The following TOX3 variants were observed in gnomAD, a reference collection of about 807,000 sequenced individuals.
TOX3 encodes TOX high mobility group box family member 3.
TOX3 carries 22 observed loss-of-function variants against 64.3 expected under a neutral mutation model. The observed-to-expected ratio is 0.34, with a 90% CI of 0.24 to 0.49. TOX3 has a LOEUF of 0.49. Ranked by LOEUF, TOX3 falls within the 20% of genes least tolerant of loss-of-function variation. TOX3 has a pLI of 0.99. For missense variants in TOX3, 661 were observed against 714.4 expected (o/e 0.93, Z 0.85); for synonymous variants, 291 against 273.6 (o/e 1.06, Z -0.63).
chr16:52,545,497 T>C (rs1370201024), intron 1 of TOX3, among the ~76,000 whole-genome samples: 1 of 152,216 alleles, frequency 6.6e-6, no homozygotes, highest in Non-Finnish European at 1.5e-5. Context: ...CTAGATGCAA[T>C]TCCTCCTCTT....
At position 52,463,988 on chromosome 16, in the gene TOX3, G is replaced by T. The variant is rs748661987; in HGVS notation, c.354C>A (p.Ile118=). Residue 118 remains isoleucine, a synonymous_variant, in exon 3 of 7, where the codon ATC becomes ATA. Coordinates refer to ENST00000219746, the MANE Select transcript of TOX3 (RefSeq NM_001080430.4). ...CATCTTGTTCCACGAGATTTCTTGAGATTGTAATGGAAGGGAGGTCCAGGC... is the reference window on the plus strand; with the variant it reads ...CATCTTGTTCCACGAGATTTCTTGATATTGTAATGGAAGGGAGGTCCAGGC... The part of the protein sequence containing the change: ...PQSLDLPSIT[I]SRNLVEQDGV... 2 of 1,595,920 alleles carry T rather than the reference G, an allele frequency of 1.3e-6. No homozygotes were observed. Among genetic ancestry groups the T allele is most frequent in the Non-Finnish European group, 8.5e-7 (1 of 1,170,520 alleles).
chr16:52,498,877 ACG>A (rs1961924794), intron 1 of TOX3, among the ~76,000 whole-genome samples: 4 of 152,198 alleles, frequency 2.6e-5, no homozygotes, highest in Admixed American at 2.6e-4. Flanking sequence ...TGAAGGATGT[ACG>A]CGGGGCCTTA....
At chr16:52,481,804 T>C (rs936582998) in intron 1 of TOX3, among the ~76,000 whole-genome samples, 1 of 152,220 alleles carries the variant, frequency 6.6e-6, no homozygotes, top group Non-Finnish European at 1.5e-5. Context: ...CGGAATTCTG[T>C]AGGGACAACT....
intron 1 of TOX3, among the ~76,000 whole-genome samples, chr16:52,493,749 C>A (rs1046270410): frequency 1.3e-5 from 2 of 152,172 alleles, no homozygotes; most frequent in South Asian, 4.1e-4. Context: ...TGAAATCCCA[C>A]CTTTCCTACA....
At chr16:52,452,550 G>A (rs915948057) in intron 3 of TOX3, among the ~76,000 whole-genome samples, 3 of 151,776 alleles carry the variant, frequency 2.0e-5, no homozygotes, top group African/African-American at 7.3e-5. Context: ...GAATGGGGAG[G>A]GATAGCATTA....
chr16:52,503,881 TTTAAATAAATACA>T (rs1468415530), intron 1 of TOX3, among the ~76,000 whole-genome samples: 32 of 152,328 alleles, frequency 2.1e-4, no homozygotes, highest in African/African-American at 6.7e-4. Flanking sequence ...ATGTCGATAA[TTTAAATAAATACA>T]TTAAATAAAT....
At chr16:52,523,574 A>C (rs897031477) in intron 1 of TOX3, among the ~76,000 whole-genome samples, 4 of 152,234 alleles carry the variant, frequency 2.6e-5, no homozygotes, top group African/African-American at 9.6e-5. Flanking sequence ...AACCACGTTT[A>C]ACATCAATGA....
At chr16:52,483,389 TAGAAGGGGAG>T (rs2151450585) in intron 1 of TOX3, among the ~76,000 whole-genome samples, 1 of 152,226 alleles carries the variant, frequency 6.6e-6, no homozygotes, top group South Asian at 2.1e-4. Context: ...TTGCATTGCC[TAGAAGGGGAG>T]AGCTGGGAAA....
At chr16:52,485,216 ATATACATG>A (rs1404623827) in intron 1 of TOX3, among the ~76,000 whole-genome samples, 2 of 128,532 alleles carry the variant, frequency 1.6e-5, no homozygotes, top group African/African-American at 6.5e-5. Flanking sequence ...GTGTGTGTGT[ATATACATG>A]TGTGTGTGTG....
Position 52,446,030 on chromosome 16 carries a change from T to C in TOX3, c.870A>G (p.Ala290=). 3.7e-6 allele frequency: 6 copies of C among 1,613,956 alleles called. No individual in the cohort carries two copies. Among genetic ancestry groups the C allele is most frequent in the Non-Finnish European group, 5.1e-6 (6 of 1,179,820 alleles). Reference sequence around the variant, plus strand: ...CTTCTCCAAGGCTGTCCCACATAGATGCTACAATTTTTGAGACCTCTCCAA... The same window carrying C: ...CTTCTCCAAGGCTGTCCCACATAGACGCTACAATTTTTGAGACCTCTCCAA... ...ATFGEVSKIV[A]SMWDSLGEEQ... The change falls in exon 5 of 7, where the codon GCA becomes GCG. Residue 290 remains alanine, a synonymous_variant. Transcript: ENST00000219746.
chr16:52,507,867 A>T (rs1228258883), intron 1 of TOX3, among the ~76,000 whole-genome samples: 1 of 152,180 alleles, frequency 6.6e-6, no homozygotes, highest in Non-Finnish European at 1.5e-5. Context: ...TTGAAAGTAA[A>T]TAATGGCTTC....
Position 52,439,199 on chromosome 16 carries a change from C to G in TOX3, c.*26G>C, listed in dbSNP as rs756606995. 2 of 1,613,394 alleles carry G rather than the reference C, an allele frequency of 1.2e-6. No homozygotes were observed. Among genetic ancestry groups the G allele is most frequent in the African/African-American group, 1.3e-5 (1 of 74,888 alleles). ...CTCCTATGCCACTCTCCTTGGTATACGCAAATCCGTCTGCCATATGCGTCT... is the reference window on the plus strand; with the variant it reads ...CTCCTATGCCACTCTCCTTGGTATAGGCAAATCCGTCTGCCATATGCGTCT... On this transcript the variant is annotated 3_prime_UTR_variant, in exon 7 of 7. Coordinates refer to ENST00000219746, the MANE Select transcript of TOX3 (RefSeq NM_001080430.4).
In TOX3 at chr16:52,437,789, T is replaced by TA. The variant is rs67145443; in HGVS notation, c.*1435dup. Among the ~76,000 whole-genome samples, 244 of 111,340 alleles carry TA rather than the reference T, an allele frequency of 2.2e-3. 2 individuals carry two copies. Among genetic ancestry groups the TA allele is most frequent in the African/African-American group, 7.5e-3 (221 of 29,558 alleles). 73.0% of individuals were successfully genotyped at this position (111,340 alleles called of 152,430 possible). A position where few individuals can be genotyped will look rare whatever the true frequency, so the allele number is the denominator to read the frequency against. On this transcript the variant is annotated 3_prime_UTR_variant, in exon 7 of 7. Transcript: ENST00000219746. ...CTATACTTACCTTGTACTTGCATCT[T>TA]AAAAAAAAAAAAAAAAAAAAAAAAG... is the stretch of plus-strand genomic sequence containing the variant.
intron 4 of TOX3, among the ~76,000 whole-genome samples, chr16:52,447,071 A>G (rs1960184385): frequency 6.6e-6 from 1 of 152,190 alleles, no homozygotes; most frequent in Non-Finnish European, 1.5e-5. Flanking sequence ...ACAAACTGAT[A>G]TGGGTATAGT....
intron 1 of TOX3, chr16:52,519,653 A>T: frequency 7.5e-7 from 1 of 1,334,036 alleles, no homozygotes; most frequent in Non-Finnish European, 9.8e-7. Flanking sequence ...ATCACTTCTT[A>T]CCAAGCAAGA....
At chr16:52,517,793 T>C (rs1962496713) in intron 1 of TOX3, among the ~76,000 whole-genome samples, 1 of 152,170 alleles carries the variant, frequency 6.6e-6, no homozygotes, top group African/African-American at 2.4e-5. Context: ...TTTTAAAATA[T>C]AAACCAGTTT....
Position 52,546,902 on chromosome 16 carries a change from A to G in TOX3, c.-179T>C. On this transcript the variant is annotated 5_prime_UTR_variant, in exon 1 of 7. Coordinates refer to ENST00000219746, the MANE Select transcript of TOX3 (RefSeq NM_001080430.4). Reference sequence around the variant, plus strand: ...CTCGGGAGCCGCGGCCGCCGCACACAAAGGCGCGGCCACGCGAGCCGCGGG... The same window carrying G: ...CTCGGGAGCCGCGGCCGCCGCACACGAAGGCGCGGCCACGCGAGCCGCGGG... The G allele has an allele frequency of 1.8e-6, 2 of 1,122,614 alleles. No individual in the cohort carries two copies. Among genetic ancestry groups the G allele is most frequent in the Non-Finnish European group, 2.2e-6 (2 of 919,102 alleles). The allele number at this position is 1,122,614 out of a possible 1,614,324, so 69.5% of individuals were successfully genotyped here. A position where few individuals can be genotyped will look rare whatever the true frequency, so the allele number is the denominator to read the frequency against.
chr16:52,444,199 A>T, intron 6 of TOX3, 77 bp downstream of exon 6: 1 of 1,123,522 alleles, frequency 8.9e-7, no homozygotes, highest in Admixed American at 2.8e-5. Context: ...GGGAGCTACA[A>T]GTATGTTTTC....
chr16:52,503,981 T>G (rs184766150), intron 1 of TOX3, among the ~76,000 whole-genome samples: 1 of 152,336 alleles, frequency 6.6e-6, no homozygotes, highest in African/African-American at 2.4e-5. Context: ...TCCAAAAGAA[T>G]CATCACTTTC....
Sources: allele counts gnomAD v4.1 joint callset (sites outside exome capture counted in the v4.1 genomes callset), GRCh38; gene constraint gnomAD v4.1.1; transcripts MANE v1.5; gene names NCBI Gene and HGNC (gene_info 2026-07-23, HGNC 2026-07-21).